Variants in SCAPER observed in about 807,000 individuals in gnomAD.
The protein encoded by SCAPER is S-phase cyclin A associated protein in the ER.
A neutral mutation model predicts 182.2 loss-of-function variants in SCAPER; 98 were observed. That is an observed-to-expected ratio of 0.54 (90% CI 0.46 to 0.64). The LOEUF (loss-of-function observed/expected upper bound fraction) is 0.64. Among genes scored for constraint, SCAPER ranks in the 30% least tolerant of loss-of-function variants. The probability of loss-of-function intolerance (pLI) is 0.00; values close to 1 mark genes in which losing one functional copy is unlikely to be tolerated. For missense variants in SCAPER, 1,432 were observed against 1,690.0 expected, an observed-to-expected ratio of 0.85 and a Z score of 2.68; for synonymous variants, 605 against 564.6, an observed-to-expected ratio of 1.07 and a Z score of -1.01.
intron 20 of SCAPER, among the ~76,000 whole-genome samples, chr15:76,685,440 G>A (rs969184035): frequency 2.6e-5 from 4 of 151,990 alleles, no homozygotes. Flanking sequence ...CTGGAAATAA[G>A]AGTTTAACAA....
intron 21 of SCAPER, among the ~76,000 whole-genome samples, chr15:76,657,597 A>T (rs2055764970): frequency 6.6e-6 from 1 of 150,842 alleles, no homozygotes; most frequent in Non-Finnish European, 1.5e-5. Flanking sequence ...ACAAAAAAAA[A>T]AAAAAAGAAA....
At chr15:76,478,222 T>C (rs1486374640) in intron 24 of SCAPER, among the ~76,000 whole-genome samples, 3 of 115,158 alleles carry the variant, frequency 2.6e-5, no homozygotes, top group South Asian at 4.7e-4. Flanking sequence ...TTGTTAATTG[T>C]TCTAGTTTGC....
chr15:76,503,163 A>G (rs1170151344), intron 24 of SCAPER, among the ~76,000 whole-genome samples: 1 of 152,194 alleles, frequency 6.6e-6, no homozygotes, highest in African/African-American at 2.4e-5. Context: ...TCTCCCAAAG[A>G]ATCAATATCA....
At chr15:76,889,215 G>A (rs900212060) in intron 1 of SCAPER, among the ~76,000 whole-genome samples, 1 of 152,150 alleles carries the variant, frequency 6.6e-6, no homozygotes, top group Non-Finnish European at 1.5e-5. Flanking sequence ...ACCAGACACT[G>A]CAAAAACATG....
At chr15:76,369,201 G>T (rs1197634692) in intron 29 of SCAPER, among the ~76,000 whole-genome samples, 1 of 152,170 alleles carries the variant, frequency 6.6e-6, no homozygotes, top group African/African-American at 2.4e-5. Context: ...CAAACAGTAG[G>T]CTGCAGCAGG....
At chr15:76,535,620 T>C (rs1400056161) in intron 23 of SCAPER, among the ~76,000 whole-genome samples, 1 of 151,704 alleles carries the variant, frequency 6.6e-6, no homozygotes, top group Non-Finnish European at 1.5e-5. Flanking sequence ...CAAACATTTA[T>C]GGAAAATTTA....
chr15:76,477,049 A>G (rs1316733933), intron 24 of SCAPER, among the ~76,000 whole-genome samples: 3 of 152,106 alleles, frequency 2.0e-5, no homozygotes, highest in Non-Finnish European at 4.4e-5. Flanking sequence ...AATTTGGAAA[A>G]CTTAGGTGTT....
chr15:76,497,065 C>A (rs2040616734), intron 24 of SCAPER, among the ~76,000 whole-genome samples: 1 of 150,680 alleles, frequency 6.6e-6, no homozygotes, highest in Non-Finnish European at 1.5e-5. Flanking sequence ...AGACTGCTTT[C>A]ATTTCCAGCC....
At chr15:76,809,323 A>G (rs1192487012) in intron 5 of SCAPER, among the ~76,000 whole-genome samples, 14 of 152,228 alleles carry the variant, frequency 9.2e-5, no homozygotes, top group Admixed American at 9.2e-4. Context: ...TATCACATAG[A>G]GAATTCAAAA....
At position 76,524,223 on chromosome 15, in the gene SCAPER, C is replaced by T. The variant is rs948569363; in HGVS notation, c.2839-19249G>A. Reference sequence around the variant, plus strand: ...TTCAGATATATGAACCAGCCATGCACGCAACATTTCTATGCTCTGTATAGA... The same window carrying T: ...TTCAGATATATGAACCAGCCATGCATGCAACATTTCTATGCTCTGTATAGA... On this transcript the variant is annotated intron_variant, in intron 23 of 31. Transcript: ENST00000563290. Among the ~76,000 whole-genome samples, 10 of 152,188 alleles carry T rather than the reference C, an allele frequency of 6.6e-5. No individual in the cohort carries two copies. The East Asian group carries it at 7.7e-4, about 12-fold the overall frequency.
intron 21 of SCAPER, among the ~76,000 whole-genome samples, chr15:76,625,240 G>A (rs941227352): frequency 6.6e-6 from 1 of 152,144 alleles, no homozygotes; most frequent in East Asian, 1.9e-4. Context: ...CAGGCCTAAG[G>A]CAGAATGCTT....
At chr15:76,769,148 AAAAC>A (rs1413238528) in intron 10 of SCAPER, among the ~76,000 whole-genome samples, 4 of 152,102 alleles carry the variant, frequency 2.6e-5, no homozygotes, top group Admixed American at 6.5e-5. Flanking sequence ...TTACAAGAAA[AAAAC>A]AAACAACCTG....
intron 21 of SCAPER, among the ~76,000 whole-genome samples, chr15:76,642,783 T>C (rs1396127407): frequency 6.6e-6 from 1 of 152,214 alleles, no homozygotes; most frequent in East Asian, 1.9e-4. Context: ...ATCAGTTATA[T>C]TGTATATGTT....
chr15:76,872,821 T>A (rs1455500460), intron 2 of SCAPER, among the ~76,000 whole-genome samples: 2 of 152,024 alleles, frequency 1.3e-5, no homozygotes, highest in East Asian at 3.9e-4. Context: ...TATGAAATTT[T>A]AAAGATATGA....
intron 20 of SCAPER, among the ~76,000 whole-genome samples, chr15:76,699,210 AGG>A (rs1225810565): frequency 2.0e-5 from 3 of 152,124 alleles, no homozygotes; most frequent in African/African-American, 7.2e-5. Context: ...TAATCTGCAA[AGG>A]GAGATGGTTT....
At chr15:76,679,130 A>G (rs944023234) in intron 20 of SCAPER, among the ~76,000 whole-genome samples, 13 of 152,240 alleles carry the variant, frequency 8.5e-5, no homozygotes, top group African/African-American at 1.2e-4. Flanking sequence ...GTATTCAAAC[A>G]CTATTCAAAA....
chr15:76,855,802 ATACT>A (rs2071306235), intron 4 of SCAPER: 1 of 391,334 alleles, frequency 2.6e-6, no homozygotes. Context: ...AGATAAGAGA[ATACT>A]TACACGCTAT....
Position 76,456,775 on chromosome 15 carries a change from C to T in SCAPER, c.3078+14437G>A, listed in dbSNP as rs552398430. ...CCTTATATTCTGTCAATTTTTGCTT[C>T]ATGTATTTTGTAGTATACACATTTA... is the stretch of plus-strand genomic sequence containing the variant. On this transcript the variant is annotated intron_variant, in intron 25 of 31. Coordinates refer to ENST00000563290, the MANE Select transcript of SCAPER (RefSeq NM_020843.4). Among the ~76,000 whole-genome samples the T allele has an allele frequency of 2.7e-4, 41 of 152,228 alleles. 1 individual carries two copies. Among genetic ancestry groups the T allele is most frequent in the Non-Finnish European group, 4.4e-4 (30 of 68,006 alleles).
At chr15:76,368,833 G>A (rs1294181826) in intron 29 of SCAPER, among the ~76,000 whole-genome samples, 1 of 152,146 alleles carries the variant, frequency 6.6e-6, no homozygotes, top group Admixed American at 6.5e-5. Context: ...AGTCATTTGA[G>A]TTAATTTAAT....
Sources: allele counts gnomAD v4.1 joint callset (sites outside exome capture counted in the v4.1 genomes callset), GRCh38; gene constraint gnomAD v4.1.1; transcripts MANE v1.5; gene names NCBI Gene and HGNC (gene_info 2026-07-23, HGNC 2026-07-21).